Variants in CAVIN1 observed in about 807,000 individuals in gnomAD.
CAVIN1 encodes caveolae associated protein 1.
A neutral mutation model predicts 24.0 loss-of-function variants in CAVIN1; 16 were observed. The observed-to-expected ratio is 0.67, with a 90% CI of 0.45 to 1.01. The LOEUF (loss-of-function observed/expected upper bound fraction) is 1.01, where lower values mean the gene tolerates loss of function less well. Among genes scored for constraint, CAVIN1 ranks in the 50% least tolerant of loss-of-function variants. CAVIN1 has a pLI of 0.00. For synonymous variants in CAVIN1, 256 were observed against 256.4 expected, an observed-to-expected ratio of 1.00 and a Z score of 0.02; for missense variants, 510 against 551.7, an observed-to-expected ratio of 0.92 and a Z score of 0.76.
intron 1 of CAVIN1, among the ~76,000 whole-genome samples, chr17:42,413,337 G>A (rs2085491408): frequency 6.6e-6 from 1 of 151,868 alleles, no homozygotes; most frequent in African/African-American, 2.4e-5. Flanking sequence ...AGGCCAAGGT[G>A]GGTGGATCCC....
Position 42,404,944 on chromosome 17 carries a change from C to T in CAVIN1, c.916G>A (p.Val306Met), listed in dbSNP as rs772376361. The change falls in exon 2 of 2, where the codon GTG (valine) becomes ATG (methionine). Residue 306 changes from valine to methionine, a missense_variant. Transcript: ENST00000357037. ...GCGGTCTTGGAGCGCGCGTACACCA[C>T]GTGGTCGGGCGTGAAGGATTTGCGC... ...KLRKSFTPDHVVYARSKTAVY... is the reference protein window; with the variant it reads ...KLRKSFTPDHMVYARSKTAVY... 6.2e-7 allele frequency: 1 copy of T among 1,614,144 alleles called. No individual in the cohort carries two copies. Among genetic ancestry groups the T allele is most frequent in the Non-Finnish European group, 8.5e-7 (1 of 1,179,994 alleles).
intron 1 of CAVIN1, among the ~76,000 whole-genome samples, chr17:42,410,704 G>C (rs1451893045): frequency 2.0e-5 from 3 of 151,610 alleles, no homozygotes; most frequent in African/African-American, 7.3e-5. Context: ...ACGAGGTCAG[G>C]AGATCGAGAC....
chr17:42,405,537 G>C, intron 1 of CAVIN1, 149 bp from the exon 2 acceptor site: 1 of 799,920 alleles, frequency 1.3e-6, no homozygotes, highest in Non-Finnish European at 2.1e-6. Context: ...AATGTGTGTA[G>C]GCTCACGCCT....
chr17:42,411,542 CAT>C (rs2085478881), intron 1 of CAVIN1: 1 of 985,402 alleles, frequency 1.0e-6, no homozygotes, highest in Non-Finnish European at 1.2e-6. Context: ...ATCTGGCAAA[CAT>C]AAGCGATCTC....
intron 1 of CAVIN1, among the ~76,000 whole-genome samples, chr17:42,416,944 C>A (rs996734138): frequency 6.6e-6 from 1 of 152,148 alleles, no homozygotes; most frequent in African/African-American, 2.4e-5. Context: ...AGCCCTGGTG[C>A]CCTACCCTTT....
chr17:42,411,588 A>AAC, intron 1 of CAVIN1: 1 of 985,368 alleles, frequency 1.0e-6, no homozygotes, highest in Middle Eastern at 5.2e-4. Flanking sequence ...AACTGGAGAA[A>AAC]ATACGTGTAA....
At chr17:42,411,979 T>C (rs2085481568) in intron 1 of CAVIN1, 1 of 985,350 alleles carries the variant, frequency 1.0e-6, no homozygotes, top group African/African-American at 1.7e-5. Context: ...TGATCACCAC[T>C]AGGCTGTGGG....
chr17:42,411,457 A>G, intron 1 of CAVIN1: 1 of 985,360 alleles, frequency 1.0e-6, no homozygotes, highest in South Asian at 4.7e-5. Flanking sequence ...AGAGGTCCTG[A>G]GCCAGAGCCA....
chr17:42,414,329 C>CT (rs2085499228), intron 1 of CAVIN1, among the ~76,000 whole-genome samples: 1 of 152,156 alleles, frequency 6.6e-6, no homozygotes, highest in Non-Finnish European at 1.5e-5. Flanking sequence ...TTCTGTCTCC[C>CT]TTGCCACCCC....
At chr17:42,411,741 C>A (rs1035714506) in intron 1 of CAVIN1, 1 of 985,434 alleles carries the variant, frequency 1.0e-6, no homozygotes, top group East Asian at 1.1e-4. Context: ...ACGGCAGAAC[C>A]AGAAGCCATG....
At chr17:42,412,595 C>T (rs1370239022) in intron 1 of CAVIN1, among the ~76,000 whole-genome samples, 1 of 141,692 alleles carries the variant, frequency 7.1e-6, no homozygotes, top group African/African-American at 2.6e-5. Context: ...CAAGGTCTCA[C>T]TATGTTGCCC....
Position 42,404,874 on chromosome 17 carries a change from C to G in CAVIN1, c.986G>C (p.Arg329Pro), listed in dbSNP as rs534775609. The G allele has an allele frequency of 1.9e-6, 3 of 1,613,954 alleles. No individual in the cohort carries two copies. Among genetic ancestry groups the G allele is most frequent in the East Asian group, 4.5e-5 (2 of 44,846 alleles). The change falls in exon 2 of 2, where the codon CGC becomes CCC. Residue 329 changes from arginine to proline, a missense_variant. Transcript: ENST00000357037. ...PPFTFHVKKI[R>P]EGQVEVLKAT... ...CTTGAGCACTTCCACCTGGCCCTCG[C>G]GGATCTTCTTGACGTGGAAGGTGAA...
intron 1 of CAVIN1, among the ~76,000 whole-genome samples, chr17:42,421,097 C>T (rs1704713734): frequency 6.6e-6 from 1 of 152,100 alleles, no homozygotes; most frequent in African/African-American, 2.4e-5. Context: ...TTAAAAGCCA[C>T]GTATATGCCT....
rs1438382137 is a variant in CAVIN1, at chr17:42,402,630, A to G, written c.*2057T>C. The G allele has an allele frequency of 6.6e-6, 1 of 151,822 alleles. No individual in the cohort carries two copies. Among genetic ancestry groups the G allele is most frequent in the African/African-American group, 2.4e-5 (1 of 41,222 alleles). 9.4% of individuals were successfully genotyped at this position (151,822 alleles called of 1,614,324 possible). A position where few individuals can be genotyped will look rare whatever the true frequency, so the allele number is the denominator to read the frequency against. ...TCGGCAGAGGGGTCTTCAGCCATTC[A>G]GAGGAGAGAAGAGAACCGAGAAAGG... On this transcript the variant is annotated 3_prime_UTR_variant, in exon 2 of 2. Coordinates refer to ENST00000357037, the MANE Select transcript of CAVIN1 (RefSeq NM_012232.6).
intron 1 of CAVIN1, among the ~76,000 whole-genome samples, chr17:42,409,485 C>T (rs1365458270): frequency 6.6e-6 from 1 of 152,060 alleles, no homozygotes; most frequent in Admixed American, 6.6e-5. Context: ...CGTAGGCTTC[C>T]CCTGGAGTGA....
At chr17:42,414,219 C>T (rs956402907) in intron 1 of CAVIN1, among the ~76,000 whole-genome samples, 4 of 152,030 alleles carry the variant, frequency 2.6e-5, no homozygotes, top group African/African-American at 9.7e-5. Flanking sequence ...TTTCATTCTT[C>T]CCTGGGGTAG....
Position 42,404,868 on chromosome 17 carries a change from C to T in CAVIN1, c.992G>A (p.Gly331Asp). The change falls in exon 2 of 2, where the codon GGC becomes GAC. Residue 331 changes from glycine to aspartate, a missense_variant. By Grantham distance (94) the Gly-to-Asp change is moderately conservative. Coordinates refer to ENST00000357037, the MANE Select transcript of CAVIN1 (RefSeq NM_012232.6). ...FTFHVKKIRE[G>D]QVEVLKATEM... ...GGTGGCCTTGAGCACTTCCACCTGG[C>T]CCTCGCGGATCTTCTTGACGTGGAA... 6.2e-7 allele frequency: 1 copy of T among 1,613,940 alleles called. No individual in the cohort carries two copies. Among genetic ancestry groups the T allele is most frequent in the Non-Finnish European group, 8.5e-7 (1 of 1,179,902 alleles).
At chr17:42,416,474 C>T (rs2085512554) in intron 1 of CAVIN1, among the ~76,000 whole-genome samples, 1 of 151,338 alleles carries the variant, frequency 6.6e-6, no homozygotes, top group African/African-American at 2.4e-5. Flanking sequence ...CCTGTAGTAC[C>T]AGCTACTTGG....
intron 1 of CAVIN1, among the ~76,000 whole-genome samples, chr17:42,405,874 A>G (rs2085443674): frequency 6.6e-6 from 1 of 151,312 alleles, no homozygotes; most frequent in African/African-American, 2.4e-5. Flanking sequence ...TTTAATAGAG[A>G]CGGTGTTTCT....
Sources: gnomAD v4.1 joint callset for allele counts (sites outside exome capture counted in the v4.1 genomes callset) on GRCh38, gnomAD v4.1.1 for gene constraint, MANE v1.5 for transcripts, NCBI Gene and HGNC (gene_info 2026-07-23, HGNC 2026-07-21) for gene names.